Variants in GRID2 observed in about 807,000 individuals in gnomAD.
GRID2 encodes the protein glutamate ionotropic receptor delta type subunit 2.
In GRID2, 33 loss-of-function variants were observed where a neutral mutation model predicts 114.8. The observed-to-expected ratio is 0.29, with a 90% confidence interval of 0.22 to 0.38. The LOEUF (loss-of-function observed/expected upper bound fraction) is 0.38, where lower values mean the gene tolerates loss of function less well. GRID2 is among the 10% of genes least tolerant of loss of function. GRID2 has a pLI of 1.00. For missense variants in GRID2, 1,184 were observed against 1,257.7 expected (o/e 0.94, Z 0.89); for synonymous variants, 505 against 449.9 (o/e 1.12, Z -1.55).
intron 2 of GRID2, among the ~76,000 whole-genome samples, chr4:92,833,367 C>T (rs1338143170): frequency 6.6e-6 from 1 of 152,180 alleles, no homozygotes; most frequent in African/African-American, 2.4e-5. Flanking sequence ...CATCCATAAA[C>T]CCCATCAAGG....
chr4:93,189,486 C>T (rs148574888), intron 4 of GRID2, among the ~76,000 whole-genome samples: 19 of 152,226 alleles, frequency 1.2e-4, no homozygotes, highest in Admixed American at 9.8e-4. Context: ...AATACCAGCA[C>T]CTTCATGACT....
rs560588811 is a variant in GRID2, at chr4:92,759,886, A to G, written c.244+169600A>G. On this transcript the variant is annotated intron_variant, in intron 2 of 15. Coordinates refer to ENST00000282020, the MANE Select transcript of GRID2 (RefSeq NM_001510.4). Reference sequence around the variant, plus strand: ...AGGTGATCACCTGCCTCAGCCTCCCAAAGTGCTGGGACTGCAGGTGTGCAC... The same window carrying G: ...AGGTGATCACCTGCCTCAGCCTCCCGAAGTGCTGGGACTGCAGGTGTGCAC... Among the ~76,000 whole-genome samples the G allele has an allele frequency of 2.0e-5, 3 of 150,260 alleles. No individual in the cohort carries two copies. In the South Asian group the frequency reaches 6.4e-4, roughly 32 times the overall value.
At chr4:93,720,148 A>G (rs1208112173) in intron 14 of GRID2, among the ~76,000 whole-genome samples, 1 of 152,178 alleles carries the variant, frequency 6.6e-6, no homozygotes, top group Admixed American at 6.5e-5. Context: ...GAGCCCCCAA[A>G]AAAAATGACT....
chr4:92,627,195 G>C (rs1730568024), intron 2 of GRID2, among the ~76,000 whole-genome samples: 1 of 152,068 alleles, frequency 6.6e-6, no homozygotes. Flanking sequence ...TATACGTATG[G>C]AATGGGCAAC....
At chr4:93,332,297 T>TGAGAGAGAGAGAGAGAGAGA (rs1255976950) in intron 8 of GRID2, among the ~76,000 whole-genome samples, 1 of 133,002 alleles carries the variant, frequency 7.5e-6, no homozygotes, top group African/African-American at 3.2e-5. Context: ...TGTGTGTGTG[T>TGAGAGAGAGAGAGAGAGAGA]GTGAGAGAGA....
At chr4:92,765,005 A>G (rs1738190977) in intron 2 of GRID2, among the ~76,000 whole-genome samples, 1 of 152,196 alleles carries the variant, frequency 6.6e-6, no homozygotes, top group African/African-American at 2.4e-5. Flanking sequence ...TTCCCTCTTT[A>G]TAACACTTTT....
intron 2 of GRID2, among the ~76,000 whole-genome samples, chr4:92,766,541 A>G (rs1036604123): frequency 2.6e-5 from 4 of 151,438 alleles, no homozygotes; most frequent in Non-Finnish European, 5.9e-5. Flanking sequence ...CTTCTCAAAA[A>G]AAAAAAAAAA....
At chr4:92,933,450 A>C (rs1470624749) in intron 2 of GRID2, among the ~76,000 whole-genome samples, 1 of 151,546 alleles carries the variant, frequency 6.6e-6, no homozygotes, top group Non-Finnish European at 1.5e-5. Context: ...ATGTATTTGA[A>C]TACTGAAGGC....
chr4:93,533,245 T>TTC (rs1731637414), intron 13 of GRID2, among the ~76,000 whole-genome samples: 22 of 105,790 alleles, frequency 2.1e-4, no homozygotes, highest in East Asian at 1.5e-3. Context: ...TTTCTTTCTC[T>TTC]CTTCCTTCCT....
chr4:92,667,586 G>A (rs906442358), intron 2 of GRID2, among the ~76,000 whole-genome samples: 4 of 151,286 alleles, frequency 2.6e-5, no homozygotes, highest in South Asian at 2.1e-4. Context: ...CTCCATATGC[G>A]CTACTCAATG....
chr4:93,058,241 T>C (rs1458952949), intron 2 of GRID2, among the ~76,000 whole-genome samples: 1 of 151,250 alleles, frequency 6.6e-6, no homozygotes, highest in African/African-American at 2.4e-5. Context: ...CAGTGTGCAT[T>C]AATTTAAAGA....
chr4:93,679,547 A>C (rs1233457407), intron 14 of GRID2, among the ~76,000 whole-genome samples: 1 of 150,960 alleles, frequency 6.6e-6, no homozygotes, highest in Non-Finnish European at 1.5e-5. Context: ...TCCTCAGCAA[A>C]TGTAAAAGAA....
intron 1 of GRID2, among the ~76,000 whole-genome samples, chr4:92,443,077 C>T (rs971308389): frequency 3.3e-5 from 5 of 151,716 alleles, no homozygotes; most frequent in East Asian, 1.9e-4. Flanking sequence ...AAAGACTCAG[C>T]GAGGCTTGGG....
intron 2 of GRID2, among the ~76,000 whole-genome samples, chr4:92,932,195 A>G (rs940979670): frequency 6.6e-6 from 1 of 151,476 alleles, no homozygotes; most frequent in Non-Finnish European, 1.5e-5. Flanking sequence ...CAAAATATTT[A>G]AACAACTTTT....
chr4:93,469,763 A>C (rs977632120), intron 11 of GRID2, among the ~76,000 whole-genome samples: 1 of 152,088 alleles, frequency 6.6e-6, no homozygotes, highest in Non-Finnish European at 1.5e-5. Flanking sequence ...AATGATGTAC[A>C]GTTCTTCTAT....
chr4:92,886,442 A>G (rs1176460329), intron 2 of GRID2, among the ~76,000 whole-genome samples: 1 of 152,166 alleles, frequency 6.6e-6, no homozygotes, highest in East Asian at 1.9e-4. Flanking sequence ...CAGTTAGTAA[A>G]AAACACAATA....
chr4:92,623,603 T>A (rs1486103526), intron 2 of GRID2, among the ~76,000 whole-genome samples: 1 of 151,804 alleles, frequency 6.6e-6, no homozygotes, highest in Non-Finnish European at 1.5e-5. Context: ...AGTAGTGGCA[T>A]GTGTTCATGG....
intron 1 of GRID2, among the ~76,000 whole-genome samples, chr4:92,406,575 G>C (rs1350977634): frequency 1.3e-5 from 2 of 151,884 alleles, no homozygotes; most frequent in Non-Finnish European, 2.9e-5. Context: ...TATAGATTAA[G>C]AGATATACAT....
intron 13 of GRID2, among the ~76,000 whole-genome samples, chr4:93,606,534 T>C (rs539196530): frequency 6.6e-6 from 1 of 152,300 alleles, no homozygotes; most frequent in Admixed American, 6.5e-5. Flanking sequence ...AAGCAAACTT[T>C]CTCCCTAGTA....
Sources: gnomAD v4.1 joint callset for allele counts (sites outside exome capture counted in the v4.1 genomes callset) on GRCh38, gnomAD v4.1.1 for gene constraint, MANE v1.5 for transcripts, NCBI Gene and HGNC (gene_info 2026-07-23, HGNC 2026-07-21) for gene names.